ITFG1: variants seen among roughly 807,000 people sequenced by gnomAD.
The protein encoded by ITFG1 is T-cell immunomodulatory protein.
In ITFG1, 34 loss-of-function variants were observed where a neutral mutation model predicts 81.8. That is an observed-to-expected ratio of 0.42 (90% CI 0.32 to 0.55). The LOEUF (loss-of-function observed/expected upper bound fraction) is 0.55. ITFG1 is among the 20% of genes least tolerant of loss of function. The probability of loss-of-function intolerance (pLI) is 0.17; values close to 1 mark genes in which losing one functional copy is unlikely to be tolerated. For synonymous variants in ITFG1, 285 were observed against 270.6 expected (o/e 1.05, Z -0.52); for missense variants, 672 against 755.4 (o/e 0.89, Z 1.29).
intron 6 of ITFG1, among the ~76,000 whole-genome samples, chr16:47,423,667 G>T (rs1968981033): frequency 6.6e-6 from 1 of 152,090 alleles, no homozygotes; most frequent in Admixed American, 6.5e-5. Context: ...GTCTGTAAAG[G>T]ATTTTATTTC....
chr16:47,301,540 G>A (rs1165014710), intron 10 of ITFG1, among the ~76,000 whole-genome samples: 1 of 151,970 alleles, frequency 6.6e-6, no homozygotes, highest in Admixed American at 6.6e-5. Flanking sequence ...GGGACTACAG[G>A]CGCCTGCCAC....
intron 12 of ITFG1, among the ~76,000 whole-genome samples, chr16:47,239,030 GTAATTTCTTT>G (rs1965904852): frequency 6.6e-6 from 1 of 152,114 alleles, no homozygotes; most frequent in Admixed American, 6.5e-5. Flanking sequence ...AGAGGCTCCA[GTAATTTCTTT>G]TGACCCCTTC....
intron 4 of ITFG1, among the ~76,000 whole-genome samples, chr16:47,452,233 G>C (rs188531245): frequency 6.6e-6 from 1 of 152,008 alleles, no homozygotes; most frequent in African/African-American, 2.4e-5. Context: ...GAATGATCTC[G>C]ACCTCTACCA....
At chr16:47,419,661 T>C (rs943956598) in intron 6 of ITFG1, among the ~76,000 whole-genome samples, 14 of 141,482 alleles carry the variant, frequency 9.9e-5, no homozygotes, top group Admixed American at 6.0e-4. Flanking sequence ...GACTGGAGTG[T>C]GGTGGCACAA....
chr16:47,188,535 T>TTC (rs1965253448), intron 14 of ITFG1, among the ~76,000 whole-genome samples: 1 of 146,070 alleles, frequency 6.8e-6, no homozygotes, highest in Non-Finnish European at 1.5e-5. Context: ...ACACCGCATA[T>TTC]TCTCACTCAT....
In ITFG1 at chr16:47,428,792, T is replaced by C. The variant is rs1383277558; in HGVS notation, c.655+12A>G. The C allele has an allele frequency of 7.1e-6, 11 of 1,545,550 alleles. No homozygotes were observed. Among genetic ancestry groups the C allele is most frequent in the Admixed American group, 6.8e-5 (4 of 58,816 alleles). ...GTAACTCAAAACAATTCCAGATTTATGTGCAACTCACCTGCTGTAAAATCT... is the reference window on the plus strand; with the variant it reads ...GTAACTCAAAACAATTCCAGATTTACGTGCAACTCACCTGCTGTAAAATCT... On this transcript the variant is annotated intron_variant, in intron 6 of 17. Coordinates refer to ENST00000320640, the MANE Select transcript of ITFG1 (RefSeq NM_030790.5).
intron 6 of ITFG1, among the ~76,000 whole-genome samples, chr16:47,388,489 A>G (rs990736418): frequency 2.0e-5 from 3 of 152,204 alleles, no homozygotes; most frequent in African/African-American, 4.8e-5. Flanking sequence ...GAGAATCCCA[A>G]TAAGTTTAAT....
At chr16:47,177,663 A>C (rs1965046863) in intron 14 of ITFG1, among the ~76,000 whole-genome samples, 1 of 152,218 alleles carries the variant, frequency 6.6e-6, no homozygotes, top group South Asian at 2.1e-4. Flanking sequence ...ATTTGTTTTG[A>C]TCTGAGAACC....
chr16:47,176,796 A>C (rs1965031195), intron 14 of ITFG1, among the ~76,000 whole-genome samples: 2 of 152,240 alleles, frequency 1.3e-5, no homozygotes, highest in African/African-American at 4.8e-5. Context: ...TTCTCATCCC[A>C]AAATTATCAG....
chr16:47,239,213 T>C (rs1278954021), intron 12 of ITFG1, among the ~76,000 whole-genome samples: 2 of 152,032 alleles, frequency 1.3e-5, no homozygotes, highest in Middle Eastern at 3.2e-3. Context: ...TTTTTTTTTT[T>C]CTTTTTGAGA....
rs192523633 is a variant in ITFG1 at position 47,231,884 on chromosome 16, T to C, written c.1374+6081A>G. Among the ~76,000 whole-genome samples the C allele has an allele frequency of 1.1e-4, 17 of 152,320 alleles. No homozygotes were observed. The East Asian group carries it at 2.7e-3, about 24-fold the overall frequency. ...AGGACTTGGCAGATGTCATTAAAGA[T>C]CTCAAGATGGGTAGAGTATCTTGCA... On this transcript the variant is annotated intron_variant, in intron 13 of 17. Coordinates refer to ENST00000320640, the MANE Select transcript of ITFG1 (RefSeq NM_030790.5).
At chr16:47,188,895 G>C (rs1486474868) in intron 14 of ITFG1, among the ~76,000 whole-genome samples, 1 of 152,136 alleles carries the variant, frequency 6.6e-6, no homozygotes, top group African/African-American at 2.4e-5. Flanking sequence ...CTCCCAAGTA[G>C]CTGGGATTAG....
chr16:47,260,506 C>T, intron 11 of ITFG1, 39 bp downstream of exon 11: 1 of 1,603,322 alleles, frequency 6.2e-7, no homozygotes, highest in Admixed American at 1.7e-5. Context: ...AGGTGAAAGG[C>T]AATTAAACTT....
At chr16:47,437,733 A>G (rs1969186524) in intron 5 of ITFG1, among the ~76,000 whole-genome samples, 1 of 152,254 alleles carries the variant, frequency 6.6e-6, no homozygotes, top group South Asian at 2.1e-4. Flanking sequence ...AAGATGGCCA[A>G]ATAGGAACGG....
intron 6 of ITFG1, among the ~76,000 whole-genome samples, chr16:47,396,818 T>C (rs2151597741): frequency 6.6e-6 from 1 of 152,164 alleles, no homozygotes; most frequent in East Asian, 1.9e-4. Flanking sequence ...GGAGAGTGGC[T>C]ATGTGACTGG....
intron 6 of ITFG1, among the ~76,000 whole-genome samples, chr16:47,387,385 G>C (rs1274831064): frequency 6.6e-6 from 1 of 152,190 alleles, no homozygotes; most frequent in African/African-American, 2.4e-5. Flanking sequence ...TTGTGGAAAA[G>C]AATCTGGCTC....
chr16:47,387,681 T>C (rs550024434), intron 6 of ITFG1, among the ~76,000 whole-genome samples: 1 of 152,342 alleles, frequency 6.6e-6, no homozygotes, highest in African/African-American at 2.4e-5. Flanking sequence ...CTTTATGTGA[T>C]TGATAAACCT....
intron 14 of ITFG1, among the ~76,000 whole-genome samples, chr16:47,184,597 C>G (rs1965184115): frequency 6.6e-6 from 1 of 151,830 alleles, no homozygotes; most frequent in Non-Finnish European, 1.5e-5. Context: ...TTGTCACCAC[C>G]AGGCCTGCCC....
intron 16 of ITFG1, 58 bp downstream of exon 16, chr16:47,161,692 T>C: frequency 1.9e-6 from 2 of 1,041,172 alleles, no homozygotes; most frequent in South Asian, 2.5e-5. Context: ...GACATCACTG[T>C]ATGTATAATT....
Sources: gnomAD v4.1 joint callset for allele counts (sites outside exome capture counted in the v4.1 genomes callset) on GRCh38, gnomAD v4.1.1 for gene constraint, MANE v1.5 for transcripts, NCBI Gene and HGNC (gene_info 2026-07-23, HGNC 2026-07-21) for gene names.